The following SMAD2 variants were observed in gnomAD, a reference collection of about 807,000 sequenced individuals.
SMAD2 encodes the protein MAD homolog 2.
A neutral mutation model predicts 64.4 loss-of-function variants in SMAD2; 8 were observed. The ratio of observed to expected loss-of-function variants is 0.12; its 90% confidence interval spans 0.07 to 0.22. The LOEUF is 0.22. Among genes scored for constraint, SMAD2 ranks in the 10% least tolerant of loss-of-function variants. The pLI, the probability that SMAD2 is intolerant of heterozygous loss-of-function variation, is 1.00. For synonymous variants in SMAD2, 203 were observed against 195.8 expected, an observed-to-expected ratio of 1.04 and a Z score of -0.31; for missense variants, 289 against 561.2, an observed-to-expected ratio of 0.51 and a Z score of 4.90.
Position 47,850,318 on chromosome 18 carries a change from A to G in SMAD2, c.784+956T>C, listed in dbSNP as rs1915101819. Among the ~76,000 whole-genome samples the G allele has an allele frequency of 5.0e-5, 2 of 39,678 alleles. 1 individual carries two copies. The highest frequency in any genetic ancestry group is 2.3e-4 in the African/African-American group (2 of 8,616). The allele number at this position is 39,678 out of a possible 152,430, so 26.0% of individuals were successfully genotyped here. ...ATAATATATATTATGTATGTTATAT[A>G]CATATTATGTATAATATATGTTATA... is the stretch of plus-strand genomic sequence containing the variant. On this transcript the variant is annotated intron_variant, in intron 7 of 10. Coordinates refer to ENST00000262160, the MANE Select transcript of SMAD2 (RefSeq NM_005901.6).
chr18:47,918,058 C>A (rs566211124), intron 1 of SMAD2, among the ~76,000 whole-genome samples: 1 of 152,110 alleles, frequency 6.6e-6, no homozygotes, highest in Non-Finnish European at 1.5e-5. Context: ...CAGCAAGTCA[C>A]GGCAGGAACT....
chr18:47,918,319 T>C (rs1488289342), intron 1 of SMAD2, among the ~76,000 whole-genome samples: 1 of 152,164 alleles, frequency 6.6e-6, no homozygotes, highest in Non-Finnish European at 1.5e-5. Context: ...CTTCCTCCAC[T>C]GGGTTTTGGC....
rs1188410797 is a variant in SMAD2, at chr18:47,832,140, CCAAA to C, written c.*9683_*9686del. ...AGAATATGCCAAGTGGGGAGACAGC[CCAAA>C]CATAGACCTTAATACTTCTCTCATA... On this transcript the variant is annotated 3_prime_UTR_variant, in exon 11 of 11. Transcript: ENST00000262160. The C allele has an allele frequency of 5.3e-5, 8 of 152,134 alleles. No homozygotes were observed. The highest frequency in any genetic ancestry group is 7.4e-5 in the Non-Finnish European group (5 of 68,024). 9.4% of individuals were successfully genotyped at this position (152,134 alleles called of 1,614,324 possible).
At position 47,833,578 on chromosome 18, in the gene SMAD2, T is replaced by C. The variant is rs1004271654; in HGVS notation, c.*8249A>G. 9 of 230,796 alleles carry C rather than the reference T, an allele frequency of 3.9e-5. No individual in the cohort carries two copies. The highest frequency in any genetic ancestry group is 6.6e-5 in the African/African-American group (3 of 45,304). The allele number at this position is 230,796 out of a possible 1,614,324, so 14.3% of individuals were successfully genotyped here. A position where few individuals can be genotyped will look rare whatever the true frequency, so the allele number is the denominator to read the frequency against. ...ATATTGCATTACAAAGTTAATGCCATCAGAGAAAAAAAATCTCACCTCACG... is the reference window on the plus strand; with the variant it reads ...ATATTGCATTACAAAGTTAATGCCACCAGAGAAAAAAAATCTCACCTCACG... On this transcript the variant is annotated 3_prime_UTR_variant, in exon 11 of 11. Coordinates refer to ENST00000262160, the MANE Select transcript of SMAD2 (RefSeq NM_005901.6).
In SMAD2 at chr18:47,814,461, A is replaced by C. The variant is rs566465951; in HGVS notation, c.*27366T>G. ...CTGAACATGAGTTTTACTCCTAACC[A>C]TGGATAAGAGAAACTGAGAATACGA... is the stretch of plus-strand genomic sequence containing the variant. On this transcript the variant is annotated 3_prime_UTR_variant, in exon 11 of 11. Transcript: ENST00000262160. 4.6e-5 allele frequency: 7 copies of C among 152,296 alleles called. No individual in the cohort carries two copies. The highest frequency in any genetic ancestry group is 2.6e-4 in the Admixed American group (4 of 15,306). The allele number at this position is 152,296 out of a possible 1,614,324, so 9.4% of individuals were successfully genotyped here.
chr18:47,927,411 C>T (rs1230296852), intron 1 of SMAD2, among the ~76,000 whole-genome samples: 1 of 152,112 alleles, frequency 6.6e-6, no homozygotes, highest in African/African-American at 2.4e-5. Context: ...TGCATGTGCC[C>T]TTGATTTGTA....
intron 6 of SMAD2, among the ~76,000 whole-genome samples, chr18:47,857,948 AACCTGAG>A (rs901392764): frequency 7.2e-5 from 11 of 152,218 alleles, no homozygotes; most frequent in Non-Finnish European, 1.3e-4. Context: ...CCCTCCCTGA[AACCTGAG>A]TGATGTGACA....
intron 2 of SMAD2, among the ~76,000 whole-genome samples, chr18:47,891,306 G>A (rs192832288): frequency 8.3e-4 from 126 of 152,020 alleles, no homozygotes; most frequent in Non-Finnish European, 1.0e-3. Context: ...ACTCTGTCTC[G>A]TTTCTAAGAG....
chr18:47,885,730 G>A (rs925858029), intron 2 of SMAD2, among the ~76,000 whole-genome samples: 1 of 152,148 alleles, frequency 6.6e-6, no homozygotes, highest in Non-Finnish European at 1.5e-5. Flanking sequence ...GGGAGGCTGA[G>A]GCAGGCAGAT....
At position 47,827,372 on chromosome 18, in the gene SMAD2, C is replaced by T. The variant is rs1266610301; in HGVS notation, c.*14455G>A. The T allele has an allele frequency of 4.6e-5, 7 of 152,208 alleles. 1 individual carries two copies. Among genetic ancestry groups the T allele is most frequent in the South Asian group, 2.1e-4 (1 of 4,828 alleles). 9.4% of individuals were successfully genotyped at this position (152,208 alleles called of 1,614,324 possible). ...CTTAAAAAAAAATTTATGCTCAATA[C>T]CTCTCTCCAGCCAATCACTATGTAA... On this transcript the variant is annotated 3_prime_UTR_variant, in exon 11 of 11. Coordinates refer to ENST00000262160, the MANE Select transcript of SMAD2 (RefSeq NM_005901.6).
chr18:47,897,489 T>C (rs534191925), intron 1 of SMAD2, among the ~76,000 whole-genome samples: 17 of 152,352 alleles, frequency 1.1e-4, no homozygotes, highest in Admixed American at 3.3e-4. Flanking sequence ...TTCTCTTCCA[T>C]AGGAATCATT....
At position 47,821,001 on chromosome 18, in the gene SMAD2, G is replaced by T. The variant is rs1243298975; in HGVS notation, c.*20826C>A. 1.3e-5 allele frequency: 2 copies of T among 151,208 alleles called. No homozygotes were observed. Among genetic ancestry groups the T allele is most frequent in the Admixed American group, 6.6e-5 (1 of 15,222 alleles). 9.4% of individuals were successfully genotyped at this position (151,208 alleles called of 1,614,324 possible). A position where few individuals can be genotyped will look rare whatever the true frequency, so the allele number is the denominator to read the frequency against. Reference sequence around the variant, plus strand: ...TTAAGGATCTGGTCTTAATAAAATTGAAAGAGGTTTTAATTTTTAATTCTA... The same window carrying T: ...TTAAGGATCTGGTCTTAATAAAATTTAAAGAGGTTTTAATTTTTAATTCTA... On this transcript the variant is annotated 3_prime_UTR_variant, in exon 11 of 11. Coordinates refer to ENST00000262160, the MANE Select transcript of SMAD2 (RefSeq NM_005901.6).
At position 47,812,543 on chromosome 18, in the gene SMAD2, T is replaced by C. The variant is rs1316454741; in HGVS notation, c.*29284A>G. The C allele has an allele frequency of 1.3e-5, 2 of 152,156 alleles. No individual in the cohort carries two copies. Among genetic ancestry groups the C allele is most frequent in the East Asian group, 1.9e-4 (1 of 5,168 alleles). The allele number at this position is 152,156 out of a possible 1,614,324, so 9.4% of individuals were successfully genotyped here. A position where few individuals can be genotyped will look rare whatever the true frequency, so the allele number is the denominator to read the frequency against. Reference sequence around the variant, plus strand: ...TGTGAAAGTACAGGAAAAACTACCATTTATAAAACCATCAGATCCTGTGAG... The same window carrying C: ...TGTGAAAGTACAGGAAAAACTACCACTTATAAAACCATCAGATCCTGTGAG... On this transcript the variant is annotated 3_prime_UTR_variant, in exon 11 of 11. Coordinates refer to ENST00000262160, the MANE Select transcript of SMAD2 (RefSeq NM_005901.6).
intron 1 of SMAD2, among the ~76,000 whole-genome samples, chr18:47,924,341 A>T (rs925073403): frequency 6.6e-6 from 1 of 152,018 alleles, no homozygotes; most frequent in Non-Finnish European, 1.5e-5. Flanking sequence ...TCAACAAAAG[A>T]GTTTCAATAG....
At chr18:47,919,766 G>C (rs1395761740) in intron 1 of SMAD2, among the ~76,000 whole-genome samples, 3 of 152,012 alleles carry the variant, frequency 2.0e-5, no homozygotes, top group Middle Eastern at 6.3e-3. Flanking sequence ...TGACTGATGG[G>C]GCCATAAAGA....
chr18:47,894,090 A>C (rs930432908), intron 2 of SMAD2, among the ~76,000 whole-genome samples: 2 of 152,238 alleles, frequency 1.3e-5, no homozygotes, highest in Admixed American at 6.5e-5. Context: ...GACCTCCTCC[A>C]CAGGTTAAAT....
chr18:47,881,055 C>A (rs983858999), intron 2 of SMAD2, among the ~76,000 whole-genome samples: 36 of 150,764 alleles, frequency 2.4e-4, no homozygotes, highest in Admixed American at 1.8e-3. Flanking sequence ...ACCTACCCTG[C>A]ACACTTTGCA....
At chr18:47,930,868 C>G (rs1384299445), upstream of SMAD2, 1 of 149,984 alleles carries the variant, frequency 6.7e-6, no homozygotes, top group Non-Finnish European at 1.5e-5. Context: ...CGGGTAGACC[C>G]GCCTGCCACC....
At chr18:47,860,802 G>GA (rs1443159631) in intron 6 of SMAD2, among the ~76,000 whole-genome samples, 3 of 151,460 alleles carry the variant, frequency 2.0e-5, no homozygotes, top group Admixed American at 2.0e-4. Context: ...TATAAACGCA[G>GA]AAAAAAAATT....
Sources: gnomAD v4.1 joint callset for allele counts (sites outside exome capture counted in the v4.1 genomes callset) on GRCh38, gnomAD v4.1.1 for gene constraint, MANE v1.5 for transcripts, NCBI Gene and HGNC (gene_info 2026-07-23, HGNC 2026-07-21) for gene names.